ESCO1: variants seen among roughly 807,000 people sequenced by gnomAD.
ESCO1 encodes the protein N-acetyltransferase ESCO1.
In ESCO1, 33 loss-of-function variants were observed where a neutral mutation model predicts 83.5. That is an observed-to-expected ratio of 0.40 (90% confidence interval 0.30 to 0.53). The LOEUF is 0.53. ESCO1 is among the 20% of genes least tolerant of loss of function. The pLI is 0.63. For synonymous variants in ESCO1, 332 were observed against 324.3 expected (o/e 1.02, Z -0.25); for missense variants, 855 against 968.0 (o/e 0.88, Z 1.55).
chr18:21,575,777 C>T lies in ESCO1; in HGVS notation c.-693G>A. The stretch of plus-strand genomic sequence containing the variant: ...TATGCTCTTAACACATCACACAGCA[C>T]CTGAAAGAAAAAGGGTTTTTTTTAA... On this transcript the variant is annotated splice_region_variant and 5_prime_UTR_variant, in exon 3 of 12. The change creates a new upstream start codon in the 5' untranslated region. Coordinates refer to ENST00000269214, the MANE Select transcript of ESCO1 (RefSeq NM_052911.3). The T allele has an allele frequency of 2.5e-6, 1 of 397,976 alleles. No individual in the cohort carries two copies. The highest frequency in any genetic ancestry group is 4.4e-6 in the Non-Finnish European group (1 of 225,802). 24.7% of individuals were successfully genotyped at this position (397,976 alleles called of 1,614,324 possible).
chr18:21,581,238 G>A (rs1245862830), intron 2 of ESCO1, among the ~76,000 whole-genome samples: 2 of 149,392 alleles, frequency 1.3e-5, no homozygotes, highest in Non-Finnish European at 3.0e-5. Flanking sequence ...GGAGAATGGC[G>A]TGAACTCAGG....
chr18:21,585,716 C>T (rs1167652435), intron 1 of ESCO1, among the ~76,000 whole-genome samples: 1 of 152,128 alleles, frequency 6.6e-6, no homozygotes, highest in Non-Finnish European at 1.5e-5. Flanking sequence ...TCTCAGCCTC[C>T]TGAGTAGCTG....
chr18:21,563,895 C>T (rs1403522641), intron 7 of ESCO1, among the ~76,000 whole-genome samples: 1 of 149,148 alleles, frequency 6.7e-6, no homozygotes, highest in Non-Finnish European at 1.5e-5. Context: ...CCCTCAAATG[C>T]CCTCCTGCTG....
chr18:21,554,190 A>G (rs1280409343), intron 8 of ESCO1, among the ~76,000 whole-genome samples: 1 of 152,214 alleles, frequency 6.6e-6, no homozygotes, highest in Non-Finnish European at 1.5e-5. Flanking sequence ...TTAATTGCAG[A>G]TAGAAATGCA....
chr18:21,574,937 G>C lies in ESCO1; in HGVS notation c.-94C>G. 1 of 950,644 alleles carries C rather than the reference G, an allele frequency of 1.1e-6. No homozygotes were observed. The highest frequency in any genetic ancestry group is 1.5e-6 in the Non-Finnish European group (1 of 663,056). 58.9% of individuals were successfully genotyped at this position (950,644 alleles called of 1,614,324 possible). A position where few individuals can be genotyped will look rare whatever the true frequency, so the allele number is the denominator to read the frequency against. The stretch of plus-strand genomic sequence containing the variant: ...CTGACTAGCTAGTATTATTACTGAG[G>C]AGCAGGTCTGAAAAATCAACTTTAA... On this transcript the variant is annotated 5_prime_UTR_variant, in exon 4 of 12. Coordinates refer to ENST00000269214, the MANE Select transcript of ESCO1 (RefSeq NM_052911.3).
chr18:21,555,549 T>G (rs1304420947), intron 8 of ESCO1, among the ~76,000 whole-genome samples: 1 of 152,160 alleles, frequency 6.6e-6, no homozygotes, highest in African/African-American at 2.4e-5. Flanking sequence ...CTCAATTTTG[T>G]TGTGGATCTA....
chr18:21,547,353 GAAA>G (rs34904471), intron 8 of ESCO1, among the ~76,000 whole-genome samples: 3 of 136,584 alleles, frequency 2.2e-5, no homozygotes, highest in African/African-American at 2.7e-5. Flanking sequence ...TTACAGATTT[GAAA>G]AAAAAAAAAA....
chr18:21,572,155 C>T (rs918540067), intron 4 of ESCO1, among the ~76,000 whole-genome samples: 3 of 152,128 alleles, frequency 2.0e-5, no homozygotes, highest in Non-Finnish European at 4.4e-5. Flanking sequence ...AGAAAGAATG[C>T]TGGGCTAAGA....
intron 2 of ESCO1, among the ~76,000 whole-genome samples, chr18:21,577,445 G>A (rs182996655): frequency 6.7e-6 from 1 of 149,948 alleles, no homozygotes; most frequent in East Asian, 2.0e-4. Flanking sequence ...AGATTCACGA[G>A]GTCAGGAGGT....
At chr18:21,545,467 G>A (rs1164891799) in intron 8 of ESCO1, among the ~76,000 whole-genome samples, 1 of 151,566 alleles carries the variant, frequency 6.6e-6, no homozygotes, top group African/African-American at 2.4e-5. Context: ...CAGCTACTCA[G>A]GAGGCTGAGG....
chr18:21,593,183 C>G (rs979581114), intron 1 of ESCO1: 1 of 189,834 alleles, frequency 5.3e-6, no homozygotes, highest in Non-Finnish European at 1.1e-5. Flanking sequence ...ACTTCCTAGA[C>G]GGGGTGGCAG....
At chr18:21,588,882 C>A (rs958685053) in intron 1 of ESCO1, among the ~76,000 whole-genome samples, 7 of 152,096 alleles carry the variant, frequency 4.6e-5, no homozygotes, top group African/African-American at 1.7e-4. Context: ...CAGAGTGAGA[C>A]TCTGTGTCAA....
rs901208626 is a variant in ESCO1 at position 21,599,252 on chromosome 18, T to G, written c.-825+1371A>C. 3.9e-5 allele frequency among the ~76,000 whole-genome samples: 6 copies of G among 152,224 alleles called. No individual in the cohort carries two copies. The South Asian group carries it at 1.2e-3, about 32-fold the overall frequency. ...CTCAGGGAGGCGGAGGTGGGAGGAT[T>G]GCTTGGGGCCGGGGAGGGAGGTCAA... On this transcript the variant is annotated intron_variant, in intron 1 of 11. Coordinates refer to ENST00000269214, the MANE Select transcript of ESCO1 (RefSeq NM_052911.3).
intron 2 of ESCO1, among the ~76,000 whole-genome samples, chr18:21,577,659 CAAA>C (rs60796995): frequency 4.3e-5 from 3 of 69,202 alleles, no homozygotes; most frequent in South Asian, 4.9e-4. Flanking sequence ...GACTCCGTCT[CAAA>C]AAAAAAAAAA....
At chr18:21,552,886 T>G (rs1178725951) in intron 8 of ESCO1, among the ~76,000 whole-genome samples, 1 of 152,174 alleles carries the variant, frequency 6.6e-6, no homozygotes, top group Non-Finnish European at 1.5e-5. Context: ...GGAGAAAAAC[T>G]AGATGACCTT....
At position 21,574,776 on chromosome 18, in the gene ESCO1, T is replaced by C; in HGVS notation, c.68A>G (p.Asn23Ser). Residue 23 changes from asparagine to serine, a missense_variant, in exon 4 of 12, where the codon AAT becomes AGT. By Grantham distance (46) the Asn-to-Ser change is conservative. This residue lies in a region of ESCO1 where 726 missense variants were observed against 699.5 expected (regional missense o/e 1.04). Transcript: ENST00000269214. ...SKVTKKSDDK[N>S]SETEIQDSQK... ...AGAATCCTGAATTTCTGTTTCTGAA[T>C]TCTTATCGTCACTTTTTTTAGTAAC... 4 of 1,604,968 alleles carry C rather than the reference T, an allele frequency of 2.5e-6. No homozygotes were observed. Among genetic ancestry groups the C allele is most frequent in the Non-Finnish European group, 3.4e-6 (4 of 1,179,648 alleles).
intron 1 of ESCO1, among the ~76,000 whole-genome samples, chr18:21,588,337 A>G (rs1283832775): frequency 6.6e-6 from 1 of 152,030 alleles, no homozygotes; most frequent in Non-Finnish European, 1.5e-5. Context: ...GGATAACTGG[A>G]TATCACATGG....
intron 8 of ESCO1, among the ~76,000 whole-genome samples, chr18:21,547,148 C>G (rs991213146): frequency 5.9e-5 from 9 of 151,992 alleles, no homozygotes; most frequent in Admixed American, 5.9e-4. Context: ...TATATAATAC[C>G]CTGTATATCC....
chr18:21,551,196 C>A (rs937949847), intron 8 of ESCO1, among the ~76,000 whole-genome samples: 2 of 151,352 alleles, frequency 1.3e-5, no homozygotes, highest in Admixed American at 1.3e-4. Flanking sequence ...CCAGGCCGGG[C>A]GCAGTGGCTC....
Sources: gnomAD v4.1 joint callset for allele counts (sites outside exome capture counted in the v4.1 genomes callset) on GRCh38, gnomAD v4.1.1 for gene constraint, gnomAD v4.1.1 regional missense constraint, MANE v1.5 for transcripts, NCBI Gene and HGNC (gene_info 2026-07-23, HGNC 2026-07-21) for gene names.